The following KL variants were observed in gnomAD, a reference collection of about 807,000 sequenced individuals.
KL encodes alpha-klotho.
KL carries 62 observed loss-of-function variants against 84.2 expected under a neutral mutation model. The ratio of observed to expected loss-of-function variants is 0.74; its 90% confidence interval spans 0.60 to 0.91. The LOEUF is 0.91. Among genes scored for constraint, KL ranks in the 40% least tolerant of loss-of-function variants. KL has a pLI of 0.00. For synonymous variants in KL, 528 were observed against 528.0 expected, an observed-to-expected ratio of 1.00 and a Z score of 0.00; for missense variants, 1,261 against 1,305.7, an observed-to-expected ratio of 0.97 and a Z score of 0.53.
chr13:33,024,450 C>T (rs978569305), intron 1 of KL, among the ~76,000 whole-genome samples: 1 of 152,206 alleles, frequency 6.6e-6, no homozygotes, highest in Admixed American at 6.5e-5. Flanking sequence ...CATCATCCAT[C>T]ACCATTGTCC....
rs531433864 is a variant in KL, at chr13:33,060,805, G to A, written c.1726G>A (p.Ala576Thr). 2.5e-6 allele frequency: 4 copies of A among 1,614,228 alleles called. No homozygotes were observed. The Admixed American group carries it at 6.7e-5, about 27-fold the overall frequency. The change falls in exon 4 of 5, where the codon GCT becomes ACT. Residue 576 changes from alanine to threonine, a missense_variant. By Grantham distance (58) the Ala-to-Thr change is moderately conservative. Coordinates refer to ENST00000380099, the MANE Select transcript of KL (RefSeq NM_004795.4). ...GAGGAAATCCTACTGTGTTGACTTT[G>A]CTGCCATCCAGCCCCAGATCGCTTT... ...KKRKSYCVDFAAIQPQIALLQ... is the reference protein window; with the variant it reads ...KKRKSYCVDFTAIQPQIALLQ...
At chr13:33,042,638 G>A (rs1871377399) in intron 1 of KL, among the ~76,000 whole-genome samples, 1 of 152,084 alleles carries the variant, frequency 6.6e-6, no homozygotes, top group Admixed American at 6.6e-5. Context: ...ATGGACATTT[G>A]TGTTGTTTTC....
chr13:33,026,707 C>T (rs1015814150), intron 1 of KL, among the ~76,000 whole-genome samples: 5 of 152,334 alleles, frequency 3.3e-5, no homozygotes, highest in East Asian at 3.9e-4. Context: ...CTCTGTGACA[C>T]CTCTGCTACC....
chr13:33,053,475 C>A (rs1342129804), intron 1 of KL, among the ~76,000 whole-genome samples: 1 of 152,120 alleles, frequency 6.6e-6, no homozygotes, highest in East Asian at 1.9e-4. Flanking sequence ...ATAACAAATT[C>A]TTTTATTTCA....
rs1871878189 is a variant in KL at position 33,054,478 on chromosome 13, T to C, written c.1330+201T>C. Among the ~76,000 whole-genome samples the C allele has an allele frequency of 2.0e-5, 3 of 152,244 alleles. No homozygotes were observed. The South Asian group carries it at 6.2e-4, about 32-fold the overall frequency. On this transcript the variant is annotated intron_variant, in intron 2 of 4. Transcript: ENST00000380099. ...TTGAATTAATTTTTAAAAACCCATTTGTAAATGAGAAACTGGGTTATAATA... is the reference window on the plus strand; with the variant it reads ...TTGAATTAATTTTTAAAAACCCATTCGTAAATGAGAAACTGGGTTATAATA...
intron 1 of KL, among the ~76,000 whole-genome samples, chr13:33,051,344 A>T (rs1024912484): frequency 6.6e-6 from 1 of 152,178 alleles, no homozygotes; most frequent in Non-Finnish European, 1.5e-5. Flanking sequence ...GTTTAAGACC[A>T]GCCAGGGCAA....
chr13:33,027,975 T>C (rs1342334249), intron 1 of KL, among the ~76,000 whole-genome samples: 1 of 152,202 alleles, frequency 6.6e-6, no homozygotes, highest in African/African-American at 2.4e-5. Context: ...GTCCAACAAC[T>C]ATGAAGGAGA....
intron 1 of KL, among the ~76,000 whole-genome samples, chr13:33,029,614 G>A (rs1454410523): frequency 6.6e-6 from 1 of 152,150 alleles, no homozygotes; most frequent in African/African-American, 2.4e-5. Flanking sequence ...AAGAGTAGCT[G>A]AGACTAGGTT....
intron 1 of KL, among the ~76,000 whole-genome samples, chr13:33,048,946 G>T (rs939124188): frequency 2.6e-5 from 4 of 152,054 alleles, no homozygotes; most frequent in African/African-American, 9.7e-5. Context: ...CAAAATTTGG[G>T]GCTACTAGCT....
At chr13:33,060,490 G>A (rs1872133778) in intron 3 of KL, among the ~76,000 whole-genome samples, 189 bp from the exon 4 acceptor site, 1 of 152,204 alleles carries the variant, frequency 6.6e-6, no homozygotes. Context: ...GGTAAAGCGA[G>A]TGTGCATATC....
At position 33,019,732 on chromosome 13, in the gene KL, T is replaced by TGTGTGAGA. The variant is rs139721497; in HGVS notation, c.819+2474_819+2475insTGTGAGAG. On this transcript the variant is annotated intron_variant, in intron 1 of 4. Transcript: ENST00000380099. ...TGGTGTGTGTGTGTGTGTGTGTGTG[T>TGTGTGAGA]GAGAGAGAGAGAGAGAGAGAGAGAG... 1.8e-3 allele frequency among the ~76,000 whole-genome samples: 242 copies of TGTGTGAGA among 133,456 alleles called. 1 individual carries two copies. Among genetic ancestry groups the TGTGTGAGA allele is most frequent in the African/African-American group, 3.9e-3 (134 of 34,004 alleles). 87.6% of individuals were successfully genotyped at this position (133,456 alleles called of 152,430 possible).
intron 2 of KL, 31 bp from the exon 3 acceptor site, chr13:33,055,016 A>T (rs370182085): frequency 4.3e-5 from 69 of 1,613,938 alleles, no homozygotes; most frequent in Non-Finnish European, 5.5e-5. Flanking sequence ...GCGAAGGGTC[A>T]TGTTGCTCTT....
At chr13:33,020,901 C>A (rs1300440074) in intron 1 of KL, among the ~76,000 whole-genome samples, 1 of 152,212 alleles carries the variant, frequency 6.6e-6, no homozygotes, top group Non-Finnish European at 1.5e-5. Flanking sequence ...TCAAATCCCA[C>A]CTGTTCTTCT....
intron 4 of KL, 111 bp downstream of exon 4, chr13:33,061,891 A>AGCCC: frequency 1.8e-6 from 2 of 1,139,620 alleles, no homozygotes; most frequent in South Asian, 1.3e-5. Flanking sequence ...ATGGAGGGCT[A>AGCCC]TCCATTTTGT....
rs764096679 is a variant in KL, at chr13:33,055,012, G to A, written c.1331-35G>A. 6 of 1,613,858 alleles carry A rather than the reference G, an allele frequency of 3.7e-6. No individual in the cohort carries two copies. The Admixed American group carries it at 1.0e-4, about 27-fold the overall frequency. ...ACCATGATGCAAGTGCCCAGCGAAG[G>A]GTCATGTTGCTCTTGTCCCCTCTTC... is the stretch of plus-strand genomic sequence containing the variant. On this transcript the variant is annotated intron_variant, in intron 2 of 4. Transcript: ENST00000380099.
intron 3 of KL, among the ~76,000 whole-genome samples, chr13:33,057,385 C>G (rs1242291371): frequency 2.0e-5 from 3 of 152,148 alleles, no homozygotes; most frequent in Non-Finnish European, 4.4e-5. Context: ...CTTAAGGGTA[C>G]ATCCTATTTC....
At chr13:33,039,460 C>T (rs1871258018) in intron 1 of KL, among the ~76,000 whole-genome samples, 1 of 151,942 alleles carries the variant, frequency 6.6e-6, no homozygotes, top group South Asian at 2.1e-4. Flanking sequence ...ATAATACAAT[C>T]TTGGTGAAGA....
intron 1 of KL, among the ~76,000 whole-genome samples, chr13:33,018,982 C>T (rs1370582636): frequency 6.6e-6 from 1 of 152,110 alleles, no homozygotes; most frequent in East Asian, 1.9e-4. Flanking sequence ...ACTCATGGCC[C>T]TCTGATTAAC....
At chr13:33,048,058 A>G (rs982023758) in intron 1 of KL, among the ~76,000 whole-genome samples, 2 of 152,184 alleles carry the variant, frequency 1.3e-5, no homozygotes, top group African/African-American at 4.8e-5. Context: ...TATTTATAAT[A>G]GCTATTTTAA....
Sources: gnomAD v4.1 joint callset for allele counts (sites outside exome capture counted in the v4.1 genomes callset) on GRCh38, gnomAD v4.1.1 for gene constraint, MANE v1.5 for transcripts, NCBI Gene and HGNC (gene_info 2026-07-23, HGNC 2026-07-21) for gene names.